Variants in SH3GL3 observed in about 807,000 individuals in gnomAD.
The protein encoded by SH3GL3 is SH3 domain containing GRB2 like 3, endophilin A3.
SH3GL3 carries 33 observed loss-of-function variants against 47.7 expected under a neutral mutation model. The ratio of observed to expected loss-of-function variants is 0.69; its 90% confidence interval spans 0.52 to 0.92. SH3GL3 has a LOEUF of 0.92. Among genes scored for constraint, SH3GL3 ranks in the 40% least tolerant of loss-of-function variants. The pLI is 0.00. For synonymous variants in SH3GL3, 155 were observed against 148.8 expected (o/e 1.04, Z -0.30); for missense variants, 363 against 417.8 (o/e 0.87, Z 1.14).
intron 5 of SH3GL3, among the ~76,000 whole-genome samples, chr15:83,574,056 A>G (rs965715696): frequency 6.6e-6 from 1 of 152,162 alleles, no homozygotes; most frequent in Non-Finnish European, 1.5e-5. Context: ...AATATCCAGC[A>G]CAAGCTGACC....
intron 1 of SH3GL3, among the ~76,000 whole-genome samples, chr15:83,548,357 T>A (rs982119257): frequency 6.7e-6 from 1 of 149,756 alleles, no homozygotes; most frequent in African/African-American, 2.4e-5. Context: ...TATATGTGTC[T>A]GTGTTTCCAT....
chr15:83,548,893 A>C (rs978583806), intron 1 of SH3GL3, among the ~76,000 whole-genome samples: 1 of 152,036 alleles, frequency 6.6e-6, no homozygotes, highest in African/African-American at 2.4e-5. Flanking sequence ...TGAACTCTAA[A>C]ATACACTTGT....
chr15:83,627,614 T>C, the SH3GL3 span, among the ~76,000 whole-genome samples: 2 of 152,140 alleles, frequency 1.3e-5, no homozygotes, highest in South Asian at 4.1e-4. Flanking sequence ...TTTTATGGTA[T>C]GTCTGGTCCT....
intron 1 of SH3GL3, among the ~76,000 whole-genome samples, chr15:83,460,553 G>A (rs962111400): frequency 2.6e-5 from 4 of 152,106 alleles, no homozygotes; most frequent in Non-Finnish European, 5.9e-5. Flanking sequence ...TTCAGTAAAT[G>A]GCCTGGGAAA....
chr15:83,549,375 T>G (rs1432158914), intron 1 of SH3GL3, among the ~76,000 whole-genome samples: 1 of 152,220 alleles, frequency 6.6e-6, no homozygotes, highest in East Asian at 1.9e-4. Flanking sequence ...TTATCTAGTT[T>G]TATTCTGGCG....
rs147102649 is a variant in SH3GL3, at chr15:83,460,388, T to C, written c.45+12810T>C. 3.7e-3 allele frequency among the ~76,000 whole-genome samples: 564 copies of C among 152,134 alleles called. 4 individuals carry two copies. Among genetic ancestry groups the C allele is most frequent in the African/African-American group, 0.013 (528 of 41,514 alleles). On this transcript the variant is annotated intron_variant, in intron 1 of 8. Transcript: ENST00000427482. ...CTGGTTTCCTTGTTTACATTATTCT[T>C]CTATAATGTGGTATATACTCATGAC... is the stretch of plus-strand genomic sequence containing the variant.
Position 83,486,842 on chromosome 15 carries a change from G to A in SH3GL3, c.45+39264G>A, listed in dbSNP as rs749621631. Among the ~76,000 whole-genome samples the A allele has an allele frequency of 2.0e-4, 30 of 152,284 alleles. 1 individual carries two copies. The highest frequency in any genetic ancestry group is 3.2e-4 in the Non-Finnish European group (22 of 68,014). ...AAAATTTGGCTCTTGGAAAGGGCCCGCTTCCTGGCTTGCAGATGGCTACCT... is the reference window on the plus strand; with the variant it reads ...AAAATTTGGCTCTTGGAAAGGGCCCACTTCCTGGCTTGCAGATGGCTACCT... On this transcript the variant is annotated intron_variant, in intron 1 of 8. Transcript: ENST00000427482.
At chr15:83,463,620 A>C (rs1200839162) in intron 1 of SH3GL3, among the ~76,000 whole-genome samples, 1 of 152,142 alleles carries the variant, frequency 6.6e-6, no homozygotes, top group Non-Finnish European at 1.5e-5. Context: ...GCTTGATGCC[A>C]TCAGCATGCA....
chr15:83,566,877 T>G (rs1227789156), intron 3 of SH3GL3, among the ~76,000 whole-genome samples: 1 of 152,236 alleles, frequency 6.6e-6, no homozygotes, highest in Non-Finnish European at 1.5e-5. Flanking sequence ...TTGCTGGAGA[T>G]GCAGAATTAG....
At chr15:83,599,481 A>C (rs2060325258) in intron 8 of SH3GL3, among the ~76,000 whole-genome samples, 1 of 152,212 alleles carries the variant, frequency 6.6e-6, no homozygotes, top group Non-Finnish European at 1.5e-5. Context: ...CTTCACTTAG[A>C]ATAATAGTCT....
chr15:83,564,248 G>T (rs1351256102), intron 2 of SH3GL3, among the ~76,000 whole-genome samples: 1 of 152,024 alleles, frequency 6.6e-6, no homozygotes, highest in Non-Finnish European at 1.5e-5. Flanking sequence ...ACAAAAAAAA[G>T]AAAAAATTGA....
intron 1 of SH3GL3, among the ~76,000 whole-genome samples, chr15:83,520,686 C>T (rs559254862): frequency 4.1e-4 from 63 of 152,184 alleles, no homozygotes; most frequent in African/African-American, 1.2e-3. Flanking sequence ...GAGTCTTCTT[C>T]GTTGAGTCTT....
chr15:83,473,869 T>A (rs898636816), intron 1 of SH3GL3, among the ~76,000 whole-genome samples: 4 of 150,822 alleles, frequency 2.7e-5, no homozygotes, highest in African/African-American at 7.3e-5. Flanking sequence ...TTTTTTTTTT[T>A]ATGTCCATGC....
At chr15:83,497,312 C>T (rs1016901138) in intron 1 of SH3GL3, among the ~76,000 whole-genome samples, 2 of 152,062 alleles carry the variant, frequency 1.3e-5, no homozygotes, top group Non-Finnish European at 2.9e-5. Flanking sequence ...GGTTATCTAC[C>T]GGGACATCTA....
At chr15:83,460,016 G>C (rs1230898187) in intron 1 of SH3GL3, among the ~76,000 whole-genome samples, 2 of 29,852 alleles carry the variant, frequency 6.7e-5, no homozygotes, top group African/African-American at 1.3e-4. Flanking sequence ...CTCCCCTCCC[G>C]TCCCCTCCCC....
chr15:83,618,938 A>C (rs899924950), downstream of SH3GL3, among the ~76,000 whole-genome samples: 8 of 152,096 alleles, frequency 5.3e-5, no homozygotes, highest in African/African-American at 1.9e-4. Context: ...AAGCCCTTCT[A>C]CTTACCTTCA....
At chr15:83,487,840 TTTTC>T (rs2041678465) in intron 1 of SH3GL3, among the ~76,000 whole-genome samples, 1 of 151,862 alleles carries the variant, frequency 6.6e-6, no homozygotes, top group South Asian at 2.1e-4. Context: ...ATCCATTTTT[TTTTC>T]TTTCTTTTTT....
rs563032707 is a variant in SH3GL3, at chr15:83,592,670, T to C, written c.838+3899T>C. Among the ~76,000 whole-genome samples, 5 of 152,354 alleles carry C rather than the reference T, an allele frequency of 3.3e-5. No individual in the cohort carries two copies. In the South Asian group the frequency reaches 1.0e-3, roughly 32 times the overall value. On this transcript the variant is annotated intron_variant, in intron 8 of 8. Transcript: ENST00000427482. ...TCTTAAGTCCCCAGAGAATGTATTT[T>C]AAGCTCGCTGAGGAATCTTTTAAAA...
intron 6 of SH3GL3, among the ~76,000 whole-genome samples, chr15:83,586,349 A>G (rs1220694403): frequency 6.6e-6 from 1 of 152,176 alleles, no homozygotes; most frequent in Non-Finnish European, 1.5e-5. Flanking sequence ...CATTAATTTC[A>G]TGAATGTCTT....
Sources: allele counts gnomAD v4.1 joint callset (sites outside exome capture counted in the v4.1 genomes callset), GRCh38; gene constraint gnomAD v4.1.1; transcripts MANE v1.5; gene names NCBI Gene and HGNC (gene_info 2026-07-23, HGNC 2026-07-21).